CFAP54: variants seen among roughly 807,000 people sequenced by gnomAD.
CFAP54 encodes cilia- and flagella-associated protein 54.
Under a neutral mutation model 370.4 loss-of-function variants are expected in CFAP54, and 290 were observed. The ratio of observed to expected loss-of-function variants is 0.78; its 90% CI spans 0.71 to 0.86. The LOEUF (loss-of-function observed/expected upper bound fraction) is 0.86, where lower values mean the gene tolerates loss of function less well. Among genes scored for constraint, CFAP54 ranks in the 40% least tolerant of loss-of-function variants. The pLI, the probability that CFAP54 is intolerant of heterozygous loss-of-function variation, is 0.00. For synonymous variants in CFAP54, 1,206 were observed against 1,236.5 expected, an observed-to-expected ratio of 0.98 and a Z score of 0.52; for missense variants, 3,399 against 3,528.7, an observed-to-expected ratio of 0.96 and a Z score of 0.93.
At position 96,665,859 on chromosome 12, in the gene CFAP54, C is replaced by A. The variant is rs1436061003; in HGVS notation, c.5563+1927C>A. 4.6e-5 allele frequency among the ~76,000 whole-genome samples: 7 copies of A among 152,238 alleles called. No homozygotes were observed. In the South Asian group the frequency reaches 1.5e-3, roughly 32 times the overall value. On this transcript the variant is annotated intron_variant, in intron 39 of 67. Transcript: ENST00000524981. ...AGGTTTTTCTTATTCTGTGAAGAAT[C>A]TCAATGGTAGTTCAATAGGAATAGC...
intron 58 of CFAP54, among the ~76,000 whole-genome samples, chr12:96,760,865 G>C (rs932991509): frequency 1.3e-5 from 2 of 152,104 alleles, no homozygotes; most frequent in Non-Finnish European, 2.9e-5. Context: ...CCATTCAGTA[G>C]TTGATGGACA....
intron 46 of CFAP54, among the ~76,000 whole-genome samples, chr12:96,703,141 G>A (rs1957509919): frequency 6.6e-6 from 1 of 152,056 alleles, no homozygotes; most frequent in South Asian, 2.1e-4. Flanking sequence ...ATCGTTTTGG[G>A]AGGTTCCCTT....
intron 32 of CFAP54, among the ~76,000 whole-genome samples, chr12:96,642,139 A>G (rs1707958459): frequency 1.3e-5 from 2 of 152,036 alleles, no homozygotes; most frequent in Non-Finnish European, 2.9e-5. Context: ...TATCAAATTA[A>G]CATTATTGTT....
chr12:96,758,511 G>T (rs1372925839), intron 58 of CFAP54, among the ~76,000 whole-genome samples: 1 of 152,138 alleles, frequency 6.6e-6, no homozygotes, highest in Non-Finnish European at 1.5e-5. Context: ...CTCCCACCAG[G>T]TCCCTCCCAC....
intron 26 of CFAP54, among the ~76,000 whole-genome samples, chr12:96,621,281 A>AT (rs1302482129): frequency 6.6e-6 from 1 of 152,194 alleles, no homozygotes; most frequent in African/African-American, 2.4e-5. Flanking sequence ...TTTGAAAGGA[A>AT]TTGTTTTCTT....
At chr12:96,584,018 C>T (rs886251340) in intron 22 of CFAP54, among the ~76,000 whole-genome samples, 1 of 152,144 alleles carries the variant, frequency 6.6e-6, no homozygotes. Context: ...AACATGAATG[C>T]TTTGTCAGCA....
intron 39 of CFAP54, among the ~76,000 whole-genome samples, chr12:96,677,994 C>G (rs995260632): frequency 6.6e-6 from 1 of 152,178 alleles, no homozygotes; most frequent in Non-Finnish European, 1.5e-5. Flanking sequence ...GTGCCCAAAT[C>G]TGGGTTACAA....
At chr12:96,613,830 A>G (rs932522127) in intron 26 of CFAP54, among the ~76,000 whole-genome samples, 1 of 152,094 alleles carries the variant, frequency 6.6e-6, no homozygotes, top group African/African-American at 2.4e-5. Flanking sequence ...AAGAAGATGA[A>G]TCCATGAATA....
Position 96,739,954 on chromosome 12 carries a change from A to G in CFAP54, c.6966-2A>G. On this transcript the variant is annotated splice_acceptor_variant, in intron 50 of 67. Transcript: ENST00000524981. LOFTEE classifies it high-confidence loss of function. ...ACATTTAAAATATATTTTCTATTTT[A>G]GTGCTGCAATAGTATTTTCTACACT... The G allele has an allele frequency of 6.9e-7, 1 of 1,455,366 alleles. No individual in the cohort carries two copies. Among genetic ancestry groups the G allele is most frequent in the Non-Finnish European group, 9.5e-7 (1 of 1,048,318 alleles). The allele number at this position is 1,455,366 out of a possible 1,614,324, so 90.2% of individuals were successfully genotyped here. A position where few individuals can be genotyped will look rare whatever the true frequency, so the allele number is the denominator to read the frequency against.
At chr12:96,522,358 T>C (rs932955570) in intron 8 of CFAP54, among the ~76,000 whole-genome samples, 169 bp downstream of exon 8, 3 of 152,234 alleles carry the variant, frequency 2.0e-5, no homozygotes, top group African/African-American at 7.2e-5. Flanking sequence ...GTAGCCTCGC[T>C]TCATCTCTTT....
intron 45 of CFAP54, among the ~76,000 whole-genome samples, chr12:96,698,283 A>G (rs537067435): frequency 6.6e-5 from 10 of 152,320 alleles, no homozygotes; most frequent in African/African-American, 2.2e-4. Flanking sequence ...ATTATATTCA[A>G]ATTAAGCCAT....
chr12:96,648,201 A>G (rs1009973680), intron 34 of CFAP54, among the ~76,000 whole-genome samples, 184 bp downstream of exon 34: 2 of 152,126 alleles, frequency 1.3e-5, no homozygotes, highest in African/African-American at 2.4e-5. Flanking sequence ...AAAAATTTCT[A>G]TATTCTTATG....
chr12:96,872,065 T>C (rs1435512155), intron 67 of CFAP54, among the ~76,000 whole-genome samples: 1 of 152,074 alleles, frequency 6.6e-6, no homozygotes, highest in Admixed American at 6.6e-5. Context: ...TTAACCACCT[T>C]TGGATTTAGG....
chr12:96,567,790 G>C (rs1307593688), intron 19 of CFAP54, among the ~76,000 whole-genome samples: 3 of 152,096 alleles, frequency 2.0e-5, no homozygotes, highest in Non-Finnish European at 2.9e-5. Context: ...CCGCCACTGA[G>C]ACCAGGGAAC....
intron 62 of CFAP54, among the ~76,000 whole-genome samples, chr12:96,789,110 C>T (rs560992914): frequency 6.6e-6 from 1 of 152,342 alleles, no homozygotes; most frequent in Non-Finnish European, 1.5e-5. Context: ...AATCTGGCCT[C>T]ATATTATTGG....
At position 96,522,318 on chromosome 12, in the gene CFAP54, TAGAG is replaced by T. The variant is rs1396224877; in HGVS notation, c.1158+133_1158+136del. ...CCAGTTCTCTGCCCTAATGGGTAAA[TAGAG>T]AGAAGAATGTTTTTCTAGTTTGCAC... On this transcript the variant is annotated intron_variant, in intron 8 of 67. Transcript: ENST00000524981. The T allele has an allele frequency of 3.1e-5, 18 of 582,290 alleles. No homozygotes were observed. The Admixed American group carries it at 4.4e-4, about 14-fold the overall frequency. The allele number at this position is 582,290 out of a possible 1,614,324, so 36.1% of individuals were successfully genotyped here.
intron 66 of CFAP54, among the ~76,000 whole-genome samples, chr12:96,848,699 G>T (rs1321473671): frequency 6.6e-6 from 1 of 150,790 alleles, no homozygotes; most frequent in Admixed American, 6.6e-5. Context: ...TCCGTCTCAA[G>T]AAAGAAAAAA....
chr12:96,646,277 A>G (rs903336427), intron 33 of CFAP54: 9 of 152,238 alleles, frequency 5.9e-5, no homozygotes, highest in African/African-American at 2.2e-4. Flanking sequence ...CCCATCAACA[A>G]GTGGGTGAAG....
At position 96,700,010 on chromosome 12, in the gene CFAP54, T is replaced by C. The variant is rs1957475061; in HGVS notation, c.6391T>C (p.Phe2131Leu). The change falls in exon 46 of 68, where the codon TTT becomes CTT. Residue 2131 changes from phenylalanine (F) to leucine (L), a missense_variant. Phe to Leu is a conservative substitution (Grantham distance 22, BLOSUM62 0). Coordinates refer to ENST00000524981, the MANE Select transcript of CFAP54 (RefSeq NM_001306084.2). ...AGATTTGAGATTCTTTTCTGAAGCCTTTTATGAGATATCCCAAATTTTCTA... is the reference window on the plus strand; with the variant it reads ...AGATTTGAGATTCTTTTCTGAAGCCCTTTATGAGATATCCCAAATTTTCTA... ...LIDLRFFSEA[F>L]YEISQIFYGK... 7 of 1,599,086 alleles carry C rather than the reference T, an allele frequency of 4.4e-6. No individual in the cohort carries two copies. In the East Asian group the frequency reaches 1.6e-4, roughly 36 times the overall value.
Sources: allele counts gnomAD v4.1 joint callset (sites outside exome capture counted in the v4.1 genomes callset), GRCh38; gene constraint gnomAD v4.1.1; transcripts MANE v1.5; gene names NCBI Gene and HGNC (gene_info 2026-07-23, HGNC 2026-07-21).